Variants in TET3 observed in about 807,000 individuals in gnomAD.
TET3 encodes the protein tet methylcytosine dioxygenase 3.
Under a neutral mutation model 141.4 loss-of-function variants are expected in TET3, and 19 were observed. The observed-to-expected ratio is 0.13, with a 90% CI of 0.09 to 0.20. The LOEUF (loss-of-function observed/expected upper bound fraction) is 0.20. Among genes scored for constraint, TET3 ranks in the 10% least tolerant of loss-of-function variants. The pLI is 1.00. For missense variants in TET3, 1,874 were observed against 2,356.9 expected (o/e 0.80, Z 4.24); for synonymous variants, 1,043 against 980.9 (o/e 1.06, Z -1.18).
intron 3 of TET3, among the ~76,000 whole-genome samples, chr2:74,023,221 T>C (rs551783081): frequency 5.3e-5 from 8 of 152,232 alleles, no homozygotes; most frequent in African/African-American, 1.9e-4. Flanking sequence ...AATTTTCAGA[T>C]ATGTAGTTTG....
intron 3 of TET3, among the ~76,000 whole-genome samples, chr2:74,016,788 CT>C (rs1157485325): frequency 3.1e-3 from 378 of 122,406 alleles, no homozygotes; most frequent in South Asian, 0.014. Flanking sequence ...GTTCTCCTGT[CT>C]TTTTTTTTTT....
chr2:74,129,144 T>C, the TET3 span, among the ~76,000 whole-genome samples: 1 of 149,550 alleles, frequency 6.7e-6, no homozygotes, highest in Non-Finnish European at 1.5e-5. Context: ...ACCCCATCTC[T>C]ACTAAAAATA....
chr2:74,125,695 A>T, the TET3 span, among the ~76,000 whole-genome samples: 35,032 of 141,710 alleles, frequency 0.25, 4,638 homozygotes, highest in East Asian at 0.5. Context: ...GTATGCTAAA[A>T]TTTTTTTTTT....
chr2:74,101,571 G>T lies in TET3; in HGVS notation c.4783G>T (p.Ala1595Ser), dbSNP rs1405430254. The change falls in exon 12 of 12, where the codon GCT becomes TCT. Residue 1595 changes from alanine to serine, a missense_variant. Ala to Ser is a moderately conservative substitution (Grantham distance 99). Coordinates refer to ENST00000409262, the MANE Select transcript of TET3 (RefSeq NM_001287491.2). This position sits in a 1 kb window ranked among gnomAD's most constrained non-coding sequence, Gnocchi z 8.5. ...PLGSSEKLFGALKSEEKLWDP... is the reference protein window; with the variant it reads ...PLGSSEKLFGSLKSEEKLWDP... ...GGGATCCAGCGAGAAGCTGTTTGGG[G>T]CTCTGAAGTCAGAGGAGAAGCTGTG... The T allele has an allele frequency of 1.2e-6, 2 of 1,608,996 alleles. No homozygotes were observed. Among genetic ancestry groups the T allele is most frequent in the Admixed American group, 1.7e-5 (1 of 58,964 alleles).
chr2:74,039,980 C>T (rs184524948), intron 3 of TET3, among the ~76,000 whole-genome samples: 2 of 152,216 alleles, frequency 1.3e-5, no homozygotes, highest in Admixed American at 1.3e-4. Flanking sequence ...GGAACATAGA[C>T]CCCCACCTCT....
chr2:74,084,788 T>C (rs1008609062), intron 6 of TET3, among the ~76,000 whole-genome samples: 3 of 152,154 alleles, frequency 2.0e-5, no homozygotes, highest in African/African-American at 7.2e-5. Context: ...ATACAAAAAA[T>C]TAGCCAGGCG....
chr2:74,070,453 G>A (rs576985849), intron 4 of TET3, among the ~76,000 whole-genome samples: 1 of 152,272 alleles, frequency 6.6e-6, no homozygotes, highest in South Asian at 2.1e-4. Flanking sequence ...CCCACAACAC[G>A]GAATTATGGG....
chr2:74,061,552 G>A (rs1392223227), intron 4 of TET3, among the ~76,000 whole-genome samples: 9 of 137,230 alleles, frequency 6.6e-5, no homozygotes, highest in African/African-American at 8.2e-5. Context: ...CCGGGCAGAG[G>A]CGCCCCTCAC....
At position 74,093,702 on chromosome 2, in the gene TET3, G is replaced by A; in HGVS notation, c.3267+36G>A. The A allele has an allele frequency of 6.5e-7, 1 of 1,531,696 alleles. No homozygotes were observed. The highest frequency in any genetic ancestry group is 1.2e-5 in the South Asian group (1 of 81,722). 94.9% of individuals were successfully genotyped at this position (1,531,696 alleles called of 1,614,324 possible). A position where few individuals can be genotyped will look rare whatever the true frequency, so the allele number is the denominator to read the frequency against. On this transcript the variant is annotated intron_variant, in intron 10 of 11. Coordinates refer to ENST00000409262, the MANE Select transcript of TET3 (RefSeq NM_001287491.2). This position sits in a 1 kb window ranked among gnomAD's most constrained non-coding sequence, Gnocchi z 4.2. ...GCCCTGTCATAGCCCCACCTGTGGG[G>A]CAACTGTGGGAGGGAGTCCACCGTG...
At chr2:74,025,321 C>G (rs1686279281) in intron 3 of TET3, among the ~76,000 whole-genome samples, 1 of 148,980 alleles carries the variant, frequency 6.7e-6, no homozygotes, top group South Asian at 2.1e-4. Flanking sequence ...TGGAGTCTCG[C>G]TCTGTTGCCC....
intron 5 of TET3, among the ~76,000 whole-genome samples, chr2:74,077,708 A>G (rs1689588013): frequency 6.6e-6 from 1 of 152,194 alleles, no homozygotes; most frequent in South Asian, 2.1e-4. Context: ...ACTGCAGGAC[A>G]TGTTTCTCAC....
rs1473038596 is a variant in TET3, at chr2:74,032,488, T to TGTGTGTGTGTGTGTGTGG, written c.361-13773_361-13772insGGTGTGTGTGTGTGTGTG. On this transcript the variant is annotated intron_variant, in intron 3 of 11. Coordinates refer to ENST00000409262, the MANE Select transcript of TET3 (RefSeq NM_001287491.2). ...GTGTGTGTGTGTGTGTGTGTGTGTG[T>TGTGTGTGTGTGTGTGTGG]GTGTGTGTGTGTGTGTGTGTTAGGG... is the stretch of plus-strand genomic sequence containing the variant. Among the ~76,000 whole-genome samples the TGTGTGTGTGTGTGTGTGG allele has an allele frequency of 1.5e-3, 118 of 78,934 alleles. 2 individuals are homozygous for TGTGTGTGTGTGTGTGTGG. Among genetic ancestry groups the TGTGTGTGTGTGTGTGTGG allele is most frequent in the Non-Finnish European group, 2.4e-3 (91 of 37,260 alleles). The allele number at this position is 78,934 out of a possible 152,430, so 51.8% of individuals were successfully genotyped here. A position where few individuals can be genotyped will look rare whatever the true frequency, so the allele number is the denominator to read the frequency against.
At chr2:74,004,810 G>T (rs1685066624) in intron 3 of TET3, among the ~76,000 whole-genome samples, 1 of 152,196 alleles carries the variant, frequency 6.6e-6, no homozygotes, top group Non-Finnish European at 1.5e-5. Context: ...TTCCACCTCT[G>T]CTTCCTCCCC....
At chr2:74,094,047 C>T (rs547871973) in intron 10 of TET3, among the ~76,000 whole-genome samples, 1 of 152,342 alleles carries the variant, frequency 6.6e-6, no homozygotes, top group African/African-American at 2.4e-5. Context: ...TGCCCAGGCA[C>T]TGCTCTGCAT....
chr2:74,096,293 T>A (rs1690823242), intron 10 of TET3, among the ~76,000 whole-genome samples: 1 of 152,084 alleles, frequency 6.6e-6, no homozygotes, highest in African/African-American at 2.4e-5. Context: ...GACCCACACA[T>A]AGTCTGGGAA....
chr2:74,114,027 G>A, the TET3 span, among the ~76,000 whole-genome samples: 1 of 152,064 alleles, frequency 6.6e-6, no homozygotes, highest in African/African-American at 2.4e-5. Flanking sequence ...CAAATCTGGA[G>A]GTATCACACT....
At chr2:74,012,866 G>GT (rs975826929) in intron 3 of TET3, among the ~76,000 whole-genome samples, 12 of 151,382 alleles carry the variant, frequency 7.9e-5, no homozygotes, top group Admixed American at 4.0e-4. Context: ...TTATTAAGAA[G>GT]TTTTTTTTTC....
At chr2:74,063,591 G>A (rs1688715646) in intron 4 of TET3, among the ~76,000 whole-genome samples, 1 of 152,030 alleles carries the variant, frequency 6.6e-6, no homozygotes, top group Non-Finnish European at 1.5e-5. Context: ...ACTTATATGA[G>A]TTTTTGTAAA....
intron 2 of TET3, among the ~76,000 whole-genome samples, chr2:73,999,904 G>T (rs1290812590): frequency 6.6e-6 from 1 of 152,146 alleles, no homozygotes; most frequent in Non-Finnish European, 1.5e-5. Context: ...AGGGTGAGAT[G>T]GGGATGGGAG....
Sources: gnomAD v4.1 joint callset for allele counts (sites outside exome capture counted in the v4.1 genomes callset) on GRCh38, gnomAD v4.1.1 for gene constraint, Gnocchi (gnomAD v3.1) non-coding constraint, MANE v1.5 for transcripts, NCBI Gene and HGNC (gene_info 2026-07-23, HGNC 2026-07-21) for gene names.